The following AKAP6 variants were observed in gnomAD, a reference collection of about 807,000 sequenced individuals.
AKAP6 encodes the protein A-kinase anchor protein 6.
Under a neutral mutation model 188.5 loss-of-function variants are expected in AKAP6, and 58 were observed. That is an observed-to-expected ratio of 0.31 (90% CI 0.25 to 0.38). The LOEUF (loss-of-function observed/expected upper bound fraction) is 0.38. AKAP6 is among the 10% of genes least tolerant of loss of function. The pLI, the probability that AKAP6 is intolerant of heterozygous loss-of-function variation, is 1.00. For missense variants in AKAP6, 2,710 were observed against 2,740.0 expected (o/e 0.99, Z 0.24); for synonymous variants, 989 against 998.6 (o/e 0.99, Z 0.18).
At chr14:32,662,620 G>A (rs942293731) in intron 7 of AKAP6, among the ~76,000 whole-genome samples, 5 of 152,060 alleles carry the variant, frequency 3.3e-5, no homozygotes, top group Non-Finnish European at 7.4e-5. Flanking sequence ...ACTTCAAATG[G>A]CATCCCATTA....
intron 2 of AKAP6, among the ~76,000 whole-genome samples, chr14:32,520,712 A>G (rs1320129855): frequency 6.6e-6 from 1 of 152,182 alleles, no homozygotes; most frequent in Non-Finnish European, 1.5e-5. Flanking sequence ...GTAGCCTACC[A>G]ACCAAAAAAA....
In AKAP6 at chr14:32,824,624, G is replaced by T; in HGVS notation, c.6811G>T (p.Ala2271Ser). The change falls in exon 13 of 14, where the codon GCT becomes TCT. Residue 2271 changes from alanine to serine, a missense_variant. Ala to Ser is a moderately conservative substitution (Grantham distance 99). Coordinates refer to ENST00000280979, the MANE Select transcript of AKAP6 (RefSeq NM_004274.5). ...TGGAATGCCAGAAGAACATAATGCTGCTTCAGCCAAATCTAAAGTTCAAGA... is the reference window on the plus strand; with the variant it reads ...TGGAATGCCAGAAGAACATAATGCTTCTTCAGCCAAATCTAAAGTTCAAGA... ...ESGMPEEHNA[A>S]SAKSKVQDLS... 1 of 1,613,912 alleles carries T rather than the reference G, an allele frequency of 6.2e-7. No homozygotes were observed. The highest frequency in any genetic ancestry group is 8.5e-7 in the Non-Finnish European group (1 of 1,179,922).
chr14:32,633,067 C>G (rs915042307), intron 7 of AKAP6, among the ~76,000 whole-genome samples: 1 of 152,010 alleles, frequency 6.6e-6, no homozygotes. Context: ...TGGGTCTTTT[C>G]TCTGTTTACT....
At chr14:32,632,831 A>G (rs1029930325) in intron 7 of AKAP6, among the ~76,000 whole-genome samples, 1 of 152,052 alleles carries the variant, frequency 6.6e-6, no homozygotes, top group African/African-American at 2.4e-5. Flanking sequence ...TAAGAACATC[A>G]TTTTTATTTG....
At chr14:32,576,924 T>C (rs998121960) in intron 4 of AKAP6, among the ~76,000 whole-genome samples, 196 bp from the exon 5 acceptor site, 2 of 152,138 alleles carry the variant, frequency 1.3e-5, no homozygotes, top group African/African-American at 4.8e-5. Flanking sequence ...GACAGTTTCT[T>C]TCCCATTTTG....
rs568735899 is a variant in AKAP6, at chr14:32,819,959, C to CATAT, written c.3589-1432_3589-1429dup. ...CAAGACTGTGTCAAAAAAAGAAATA[C>CATAT]ATATATATATATATGTATGGCCACC... On this transcript the variant is annotated intron_variant, in intron 12 of 13. Transcript: ENST00000280979. Among the ~76,000 whole-genome samples the CATAT allele has an allele frequency of 6.8e-3, 1,025 of 150,936 alleles. 11 individuals carry two copies. The highest frequency in any genetic ancestry group is 0.023 in the African/African-American group (931 of 41,128).
chr14:32,351,347 G>T (rs536216887), intron 1 of AKAP6, among the ~76,000 whole-genome samples: 40 of 152,128 alleles, frequency 2.6e-4, no homozygotes, highest in Non-Finnish European at 5.6e-4. Flanking sequence ...TGGATCACCC[G>T]AGGTCGGGAG....
At chr14:32,681,677 ATTT>A (rs34833229) in intron 8 of AKAP6, among the ~76,000 whole-genome samples, 8 of 138,142 alleles carry the variant, frequency 5.8e-5, no homozygotes, top group Non-Finnish European at 7.7e-5. Flanking sequence ...AATTTGACAA[ATTT>A]TTTTTTTTTT....
At chr14:32,651,288 G>A (rs998788862) in intron 7 of AKAP6, among the ~76,000 whole-genome samples, 10 of 152,158 alleles carry the variant, frequency 6.6e-5, no homozygotes, top group East Asian at 5.8e-4. Flanking sequence ...GTAGTGTCAC[G>A]GCAGCCAAGA....
chr14:32,740,753 C>T (rs1179951792), intron 11 of AKAP6, among the ~76,000 whole-genome samples: 1 of 151,932 alleles, frequency 6.6e-6, no homozygotes, highest in Non-Finnish European at 1.5e-5. Flanking sequence ...AGGTTGGTAC[C>T]ATGCTATTTG....
At chr14:32,761,793 T>C (rs959248684) in intron 11 of AKAP6, among the ~76,000 whole-genome samples, 2 of 152,134 alleles carry the variant, frequency 1.3e-5, no homozygotes, top group African/African-American at 4.8e-5. Flanking sequence ...ATCATTTCCT[T>C]CCTTTCTTCA....
At chr14:32,614,643 T>C (rs899187105) in intron 7 of AKAP6, among the ~76,000 whole-genome samples, 1 of 152,164 alleles carries the variant, frequency 6.6e-6, no homozygotes, top group Non-Finnish European at 1.5e-5. Context: ...GCCTAACCAA[T>C]AGCCATTTTC....
intron 7 of AKAP6, among the ~76,000 whole-genome samples, chr14:32,667,984 T>C (rs968927850): frequency 1.3e-5 from 2 of 152,146 alleles, no homozygotes; most frequent in African/African-American, 4.8e-5. Flanking sequence ...ACTAAGATTG[T>C]ATCTTCCTAT....
At chr14:32,616,249 T>G (rs1485888343) in intron 7 of AKAP6, among the ~76,000 whole-genome samples, 1 of 152,180 alleles carries the variant, frequency 6.6e-6, no homozygotes, top group Non-Finnish European at 1.5e-5. Context: ...ATCGCATTAC[T>G]GGGTATATAT....
chr14:32,733,553 C>T (rs2031282095), intron 10 of AKAP6: 1 of 152,012 alleles, frequency 6.6e-6, no homozygotes, highest in Non-Finnish European at 1.5e-5. Flanking sequence ...CTTCATGTAC[C>T]TTGATGATTT....
At chr14:32,684,828 C>T (rs1019654831) in intron 8 of AKAP6, among the ~76,000 whole-genome samples, 10 of 151,390 alleles carry the variant, frequency 6.6e-5, no homozygotes, top group East Asian at 1.9e-4. Context: ...AAATCATTAA[C>T]GAAATATTTA....
chr14:32,471,825 C>T (rs564186406), intron 2 of AKAP6, among the ~76,000 whole-genome samples: 43 of 152,192 alleles, frequency 2.8e-4, no homozygotes, highest in Admixed American at 1.8e-3. Context: ...AGACACTGGA[C>T]ACTGTGTTAT....
At chr14:32,520,368 G>C (rs904233202) in intron 2 of AKAP6, among the ~76,000 whole-genome samples, 7 of 152,030 alleles carry the variant, frequency 4.6e-5, no homozygotes, top group Admixed American at 1.3e-4. Flanking sequence ...GAAGGAGATA[G>C]AGACACAAAA....
intron 5 of AKAP6, 128 bp downstream of exon 5, chr14:32,577,370 G>T (rs1884775941): frequency 4.2e-6 from 5 of 1,198,644 alleles, no homozygotes; most frequent in Non-Finnish European, 5.7e-6. Context: ...AAATTTTAAT[G>T]GGTCACAGAA....
Sources: allele counts gnomAD v4.1 joint callset (sites outside exome capture counted in the v4.1 genomes callset), GRCh38; gene constraint gnomAD v4.1.1; transcripts MANE v1.5; gene names NCBI Gene and HGNC (gene_info 2026-07-23, HGNC 2026-07-21).